SDC2: variants seen among roughly 807,000 people sequenced by gnomAD.
SDC2 encodes the protein syndecan-2.
In SDC2, 13 loss-of-function variants were observed where a neutral mutation model predicts 22.2. That is an observed-to-expected ratio of 0.59 (90% confidence interval 0.38 to 0.93). The LOEUF (loss-of-function observed/expected upper bound fraction) is 0.93, where lower values mean the gene tolerates loss of function less well. Among genes scored for constraint, SDC2 ranks in the 40% least tolerant of loss-of-function variants. SDC2 has a pLI of 0.00. For synonymous variants in SDC2, 94 were observed against 92.8 expected (o/e 1.01, Z -0.07); for missense variants, 235 against 246.8 (o/e 0.95, Z 0.32).
At chr8:96,519,621 TCG>T (rs1813462950) in intron 1 of SDC2, among the ~76,000 whole-genome samples, 1 of 152,110 alleles carries the variant, frequency 6.6e-6, no homozygotes, top group Non-Finnish European at 1.5e-5. Flanking sequence ...AAAAATTAAA[TCG>T]CAATTTAATT....
chr8:96,551,139 A>G (rs1231184897), intron 1 of SDC2, among the ~76,000 whole-genome samples: 1 of 152,096 alleles, frequency 6.6e-6, no homozygotes, highest in Non-Finnish European at 1.5e-5. Flanking sequence ...TACCGTGGGG[A>G]GGATTTCTTT....
At chr8:96,540,668 T>C (rs1298397949) in intron 1 of SDC2, among the ~76,000 whole-genome samples, 1 of 152,202 alleles carries the variant, frequency 6.6e-6, no homozygotes, top group Non-Finnish European at 1.5e-5. Context: ...TCTGTGGTTA[T>C]GGAAGTCAGG....
At chr8:96,495,991 T>C (rs1813068680) in intron 1 of SDC2, among the ~76,000 whole-genome samples, 1 of 152,224 alleles carries the variant, frequency 6.6e-6, no homozygotes, top group South Asian at 2.1e-4. Context: ...GCAGCAGTTC[T>C]CTTGTTTATT....
At chr8:96,594,006 C>G (rs191656659) in intron 2 of SDC2, among the ~76,000 whole-genome samples, 1 of 152,250 alleles carries the variant, frequency 6.6e-6, no homozygotes, top group East Asian at 1.9e-4. Flanking sequence ...TTCATAAAAC[C>G]ACCTACCCTA....
At chr8:96,554,322 A>G (rs1814074515) in intron 1 of SDC2, among the ~76,000 whole-genome samples, 3 of 152,256 alleles carry the variant, frequency 2.0e-5, no homozygotes, top group East Asian at 1.9e-4. Flanking sequence ...AATTTTAATA[A>G]AATTTTGAGT....
chr8:96,549,440 C>T (rs1813990006), intron 1 of SDC2, among the ~76,000 whole-genome samples: 1 of 152,156 alleles, frequency 6.6e-6, no homozygotes, highest in Non-Finnish European at 1.5e-5. Flanking sequence ...GGACCACAGT[C>T]TTTATCTTTG....
intron 1 of SDC2, among the ~76,000 whole-genome samples, chr8:96,544,172 T>G (rs1204444137): frequency 6.6e-6 from 1 of 152,188 alleles, no homozygotes; most frequent in Non-Finnish European, 1.5e-5. Flanking sequence ...CCTACAGTAT[T>G]CCTTGTTAGG....
intron 1 of SDC2, among the ~76,000 whole-genome samples, chr8:96,534,715 G>C (rs998220642): frequency 6.6e-6 from 1 of 151,862 alleles, no homozygotes; most frequent in African/African-American, 2.4e-5. Flanking sequence ...GGGATTCCAG[G>C]CATGAGCCAC....
chr8:96,523,038 C>G lies in SDC2; in HGVS notation c.60+28707C>G, dbSNP rs549400578. Among the ~76,000 whole-genome samples, 307 of 152,238 alleles carry G rather than the reference C, an allele frequency of 2.0e-3. 2 individuals are homozygous for G. The highest frequency in any genetic ancestry group is 3.4e-3 in the Middle Eastern group (1 of 290). On this transcript the variant is annotated intron_variant, in intron 1 of 4. Transcript: ENST00000302190. ...TCCTCCCTTTCAGAGCCAGAAGATT[C>G]TGTGTGAGTCATCAAGAAAAATTTC... is the stretch of plus-strand genomic sequence containing the variant.
At chr8:96,519,773 A>T (rs904313769) in intron 1 of SDC2, among the ~76,000 whole-genome samples, 1 of 151,964 alleles carries the variant, frequency 6.6e-6, no homozygotes, top group Non-Finnish European at 1.5e-5. Flanking sequence ...AGCTGGGATT[A>T]CAGGCGCGCA....
chr8:96,550,781 G>A (rs1232341687), intron 1 of SDC2, among the ~76,000 whole-genome samples: 1 of 152,184 alleles, frequency 6.6e-6, no homozygotes, highest in Non-Finnish European at 1.5e-5. Flanking sequence ...AGACAGACCA[G>A]TGCCCTTTTG....
chr8:96,543,734 A>T (rs1446610435), intron 1 of SDC2, among the ~76,000 whole-genome samples: 1 of 152,158 alleles, frequency 6.6e-6, no homozygotes, highest in Non-Finnish European at 1.5e-5. Context: ...CCAAATGCTC[A>T]CCTTGCTCTG....
rs574453679 is a variant in SDC2 at position 96,563,692 on chromosome 8, AC to A, written c.61-29787del. ...TTCTAAACAGTTCTCTAATTCTAAT[AC>A]GTTTTGGTTAAAAGAAACATCGAAT... On this transcript the variant is annotated intron_variant, in intron 1 of 4. Coordinates refer to ENST00000302190, the MANE Select transcript of SDC2 (RefSeq NM_002998.4). Among the ~76,000 whole-genome samples the A allele has an allele frequency of 1.4e-4, 22 of 152,280 alleles. No individual in the cohort carries two copies. The East Asian group carries it at 4.2e-3, about 29-fold the overall frequency.
chr8:96,592,710 A>G (rs1814802524), intron 1 of SDC2, among the ~76,000 whole-genome samples: 2 of 152,190 alleles, frequency 1.3e-5, no homozygotes, highest in Non-Finnish European at 1.5e-5. Flanking sequence ...ATCCCTCTCC[A>G]TATTAAGCGT....
chr8:96,567,095 C>T (rs111241766), intron 1 of SDC2, among the ~76,000 whole-genome samples: 3 of 152,234 alleles, frequency 2.0e-5, no homozygotes, highest in Non-Finnish European at 2.9e-5. Flanking sequence ...CTCAAGTGAT[C>T]CACCTGCCTC....
chr8:96,594,059 A>G (rs970087638), intron 2 of SDC2, among the ~76,000 whole-genome samples: 3 of 152,188 alleles, frequency 2.0e-5, no homozygotes, highest in African/African-American at 4.8e-5. Flanking sequence ...ATACGTTTTT[A>G]TTCCTAGGGT....
At chr8:96,527,538 G>A (rs1477499525) in intron 1 of SDC2, among the ~76,000 whole-genome samples, 2 of 152,122 alleles carry the variant, frequency 1.3e-5, no homozygotes, top group Non-Finnish European at 1.5e-5. Context: ...AGAACCCTAC[G>A]TGATCTGGTC....
chr8:96,550,489 A>G (rs1230060635), intron 1 of SDC2, among the ~76,000 whole-genome samples: 3 of 152,210 alleles, frequency 2.0e-5, no homozygotes, highest in Non-Finnish European at 2.9e-5. Flanking sequence ...TCAGAGGTAG[A>G]CAAATTCCAC....
At chr8:96,597,461 T>G (rs1814897387) in intron 2 of SDC2, among the ~76,000 whole-genome samples, 1 of 152,232 alleles carries the variant, frequency 6.6e-6, no homozygotes, top group South Asian at 2.1e-4. Context: ...CTTCTAGTCC[T>G]CTTTTCGGTG....
Sources: gnomAD v4.1 joint callset for allele counts (sites outside exome capture counted in the v4.1 genomes callset) on GRCh38, gnomAD v4.1.1 for gene constraint, MANE v1.5 for transcripts, NCBI Gene and HGNC (gene_info 2026-07-23, HGNC 2026-07-21) for gene names.